The following EYA4 variants were observed in gnomAD, a reference collection of about 807,000 sequenced individuals.
The protein encoded by EYA4 is EYA transcriptional coactivator and phosphatase 4, also known as protein phosphatase EYA4.
Under a neutral mutation model 87.9 loss-of-function variants are expected in EYA4, and 31 were observed. That is an observed-to-expected ratio of 0.35 (90% confidence interval 0.27 to 0.48). The LOEUF (loss-of-function observed/expected upper bound fraction) is 0.48, where lower values mean the gene tolerates loss of function less well. Among genes scored for constraint, EYA4 ranks in the 20% least tolerant of loss-of-function variants. EYA4 has a pLI of 0.99. For missense variants in EYA4, 678 were observed against 761.4 expected, an observed-to-expected ratio of 0.89 and a Z score of 1.29; for synonymous variants, 263 against 270.6, an observed-to-expected ratio of 0.97 and a Z score of 0.28.
chr6:133,462,774 T>G lies in EYA4; in HGVS notation c.724+10T>G. 2 of 1,613,058 alleles carry G rather than the reference T, an allele frequency of 1.2e-6. No individual in the cohort carries two copies. The highest frequency in any genetic ancestry group is 1.1e-5 in the South Asian group (1 of 91,064). ...TCTTACCAAATGCCAGGTAAGTAGCTACACATGAAACATGTTTTGGGAGAA... is the reference window on the plus strand; with the variant it reads ...TCTTACCAAATGCCAGGTAAGTAGCGACACATGAAACATGTTTTGGGAGAA... On this transcript the variant is annotated intron_variant, in intron 9 of 19. Coordinates refer to ENST00000355286, the MANE Select transcript of EYA4 (RefSeq NM_004100.5).
intron 1 of EYA4, among the ~76,000 whole-genome samples, chr6:133,265,038 T>G (rs1462444075): frequency 6.6e-6 from 1 of 152,148 alleles, no homozygotes; most frequent in East Asian, 1.9e-4. Context: ...GGCGCCATGG[T>G]GCCTCATTCC....
chr6:133,468,790 G>A, intron 11 of EYA4, 59 bp downstream of exon 11: 2 of 1,549,338 alleles, frequency 1.3e-6, no homozygotes, highest in Non-Finnish European at 1.8e-6. Flanking sequence ...TAATAAAACG[G>A]AGAAAGTGGA....
At chr6:133,361,763 C>T (rs749009485) in intron 2 of EYA4, among the ~76,000 whole-genome samples, 1 of 151,996 alleles carries the variant, frequency 6.6e-6, no homozygotes, top group African/African-American at 2.4e-5. Flanking sequence ...AATAAATGAC[C>T]CTCCATTTTA....
rs777741155 is a variant in EYA4 at position 133,523,202 on chromosome 6, T to A, written c.1738+25T>A. 9.3e-6 allele frequency: 15 copies of A among 1,608,390 alleles called. No homozygotes were observed. The South Asian group carries it at 1.5e-4, about 16-fold the overall frequency. ...GGTAAGGAAATTATTTTAAACTCTGTATGGAATGTGTCCACATCTGTGTGT... is the reference window on the plus strand; with the variant it reads ...GGTAAGGAAATTATTTTAAACTCTGAATGGAATGTGTCCACATCTGTGTGT... On this transcript the variant is annotated intron_variant, in intron 18 of 19. Transcript: ENST00000355286.
chr6:133,250,692 G>A (rs1051010490), intron 1 of EYA4, among the ~76,000 whole-genome samples: 1 of 151,998 alleles, frequency 6.6e-6, no homozygotes, highest in Non-Finnish European at 1.5e-5. Flanking sequence ...CCAGGCACTT[G>A]GGTTCAGACC....
intron 2 of EYA4, among the ~76,000 whole-genome samples, chr6:133,367,920 A>C (rs1784977829): frequency 6.6e-6 from 1 of 152,208 alleles, no homozygotes; most frequent in African/African-American, 2.4e-5. Context: ...TGTGTGGTTC[A>C]TATTCAAAAA....
At chr6:133,357,818 T>C (rs1784181638) in intron 2 of EYA4, among the ~76,000 whole-genome samples, 1 of 152,190 alleles carries the variant, frequency 6.6e-6, no homozygotes, top group Admixed American at 6.5e-5. Context: ...GCACAGATTT[T>C]GCGCTGTGGT....
chr6:133,374,692 G>T (rs1404470290), intron 2 of EYA4, among the ~76,000 whole-genome samples: 1 of 151,882 alleles, frequency 6.6e-6, no homozygotes, highest in Non-Finnish European at 1.5e-5. Flanking sequence ...CACGGTTTTG[G>T]TTTTGCCAGG....
rs1054450389 is a variant in EYA4, at chr6:133,503,135, T to A, written c.1192-2971T>A. On this transcript the variant is annotated intron_variant, in intron 13 of 19. Transcript: ENST00000355286. ...GCAGATTCTTGCATTTTGCTTTTTT[T>A]AAAAAAAATTATGCTTGTTTGCATG... 4.6e-5 allele frequency among the ~76,000 whole-genome samples: 7 copies of A among 152,172 alleles called. No individual in the cohort carries two copies. The East Asian group carries it at 5.8e-4, about 13-fold the overall frequency.
chr6:133,519,501 C>G (rs904365108), intron 17 of EYA4, among the ~76,000 whole-genome samples: 1 of 151,492 alleles, frequency 6.6e-6, no homozygotes, highest in African/African-American at 2.4e-5. Flanking sequence ...TGGCAATAAT[C>G]CATAGCTTAC....
intron 11 of EYA4, among the ~76,000 whole-genome samples, chr6:133,475,453 C>A (rs1036166992): frequency 2.6e-5 from 4 of 152,014 alleles, no homozygotes; most frequent in Non-Finnish European, 4.4e-5. Flanking sequence ...GCTAACTGAA[C>A]CTAACAGGTG....
At chr6:133,368,419 C>T (rs1418840045) in intron 2 of EYA4, among the ~76,000 whole-genome samples, 3 of 152,128 alleles carry the variant, frequency 2.0e-5, no homozygotes, top group Non-Finnish European at 4.4e-5. Context: ...ATATATTTTG[C>T]TTCAGTGAGT....
chr6:133,402,871 A>G (rs2128518894), intron 3 of EYA4, among the ~76,000 whole-genome samples: 1 of 152,294 alleles, frequency 6.6e-6, no homozygotes, highest in African/African-American at 2.4e-5. Flanking sequence ...AGAATTAGGG[A>G]AGCACATGGC....
intron 2 of EYA4, among the ~76,000 whole-genome samples, chr6:133,305,237 T>C (rs1019936013): frequency 6.6e-6 from 1 of 152,156 alleles, no homozygotes; most frequent in Admixed American, 6.6e-5. Context: ...GGCCAGAGTT[T>C]GTAGGTCTTT....
At position 133,528,851 on chromosome 6, in the gene EYA4, T is replaced by C. The variant is rs1226412038; in HGVS notation, c.*46T>C. Reference sequence around the variant, plus strand: ...TCCATTTTTTATATTTCAAGTACACTGAATTTTTATGTGTGATTCAATGCC... The same window carrying C: ...TCCATTTTTTATATTTCAAGTACACCGAATTTTTATGTGTGATTCAATGCC... On this transcript the variant is annotated 3_prime_UTR_variant, in exon 20 of 20. Coordinates refer to ENST00000355286, the MANE Select transcript of EYA4 (RefSeq NM_004100.5). 8 of 1,610,786 alleles carry C rather than the reference T, an allele frequency of 5.0e-6. No individual in the cohort carries two copies. In the South Asian group the frequency reaches 8.8e-5, roughly 18 times the overall value.
rs144047277 is a variant in EYA4 at position 133,432,606 on chromosome 6, T to C, written c.84-14024T>C. Among the ~76,000 whole-genome samples the C allele has an allele frequency of 5.4e-3, 817 of 152,150 alleles. 6 individuals carry two copies. Among genetic ancestry groups the C allele is most frequent in the African/African-American group, 0.019 (797 of 41,504 alleles). ...CATGAATCGTACACAACTTCAACCA[T>C]TGCTTGCTATGGAGTGGAACTTTAA... On this transcript the variant is annotated intron_variant, in intron 3 of 19. Transcript: ENST00000355286.
At chr6:133,454,356 C>T (rs9373054) in intron 5 of EYA4, among the ~76,000 whole-genome samples, 31,490 of 151,986 alleles carry the variant, frequency 0.21, 3,397 homozygotes, top group East Asian at 0.32. Context: ...AATGGAGTAG[C>T]CTTGATACCC....
At chr6:133,425,862 G>T (rs1790625903) in intron 3 of EYA4, among the ~76,000 whole-genome samples, 1 of 150,588 alleles carries the variant, frequency 6.6e-6, no homozygotes, top group Non-Finnish European at 1.5e-5. Context: ...GCTCCTCATT[G>T]CCTGTAGGCT....
intron 2 of EYA4, among the ~76,000 whole-genome samples, chr6:133,381,629 T>G (rs1439655442): frequency 6.6e-6 from 1 of 152,174 alleles, no homozygotes; most frequent in Non-Finnish European, 1.5e-5. Context: ...ATTTTTCATA[T>G]TAACCAAGAG....
Sources: allele counts gnomAD v4.1 joint callset (sites outside exome capture counted in the v4.1 genomes callset), GRCh38; gene constraint gnomAD v4.1.1; transcripts MANE v1.5; gene names NCBI Gene and HGNC (gene_info 2026-07-23, HGNC 2026-07-21).